The following PKIG variants were observed in gnomAD, a reference collection of about 807,000 sequenced individuals.
PKIG encodes the protein protein kinase (cAMP-dependent, catalytic) inhibitor gamma.
PKIG carries 1 observed loss-of-function variant against 6.8 expected under a neutral mutation model. That is an observed-to-expected ratio of 0.15 (90% CI 0.05 to 0.69). The LOEUF is 0.69. Among genes scored for constraint, PKIG ranks in the 30% least tolerant of loss-of-function variants. The pLI, the probability that PKIG is intolerant of heterozygous loss-of-function variation, is 0.82. For synonymous variants in PKIG, 39 were observed against 43.0 expected (o/e 0.91, Z 0.36); for missense variants, 77 against 104.0 (o/e 0.74, Z 1.13).
intron 2 of PKIG, among the ~76,000 whole-genome samples, chr20:44,608,443 C>T (rs1352346731): frequency 6.6e-6 from 1 of 152,122 alleles, no homozygotes; most frequent in Non-Finnish European, 1.5e-5. Flanking sequence ...CTCCATTGTC[C>T]GTTTAGGACA....
intron 1 of PKIG, among the ~76,000 whole-genome samples, chr20:44,560,065 CAAAA>C (rs113467337): frequency 3.2e-5 from 4 of 123,144 alleles, no homozygotes; most frequent in Admixed American, 8.2e-5. Flanking sequence ...GAAAAAAATA[CAAAA>C]AAAAAAAGAA....
chr20:44,594,335 A>C (rs950209910), intron 2 of PKIG, among the ~76,000 whole-genome samples: 1 of 152,208 alleles, frequency 6.6e-6, no homozygotes, highest in African/African-American at 2.4e-5. Context: ...CGTTTCACAG[A>C]TGAAGAACCT....
chr20:44,617,329 C>T (rs1397908542), intron 3 of PKIG, among the ~76,000 whole-genome samples: 1 of 152,136 alleles, frequency 6.6e-6, no homozygotes, highest in Admixed American at 6.5e-5. Context: ...GAATGTACCA[C>T]CTATTGAGCT....
intron 1 of PKIG, among the ~76,000 whole-genome samples, chr20:44,538,227 T>A (rs1427241341): frequency 6.6e-6 from 1 of 152,168 alleles, no homozygotes; most frequent in African/African-American, 2.4e-5. Flanking sequence ...CATTTGTAAA[T>A]AGCTCTGCAG....
upstream of PKIG, among the ~76,000 whole-genome samples, chr20:44,580,293 G>T (rs772441458): frequency 6.6e-6 from 1 of 152,056 alleles, no homozygotes; most frequent in African/African-American, 2.4e-5. Flanking sequence ...AGCTGTGAAC[G>T]GCTGCTCTCT....
intron 2 of PKIG, among the ~76,000 whole-genome samples, chr20:44,602,761 A>T (rs1298883149): frequency 6.6e-6 from 1 of 152,008 alleles, no homozygotes; most frequent in Non-Finnish European, 1.5e-5. Context: ...AAAGCACTTG[A>T]ACCGGGGAGG....
intron 2 of PKIG, among the ~76,000 whole-genome samples, chr20:44,596,962 C>T (rs910817011): frequency 1.3e-5 from 2 of 152,216 alleles, no homozygotes; most frequent in Non-Finnish European, 2.9e-5. Context: ...CACTGCTCCC[C>T]AGCCCCATGG....
chr20:44,576,361 T>G (rs1288281444), intron 1 of PKIG, among the ~76,000 whole-genome samples: 1 of 151,964 alleles, frequency 6.6e-6, no homozygotes, highest in Non-Finnish European at 1.5e-5. Context: ...ATGTTAAGGG[T>G]TATAAGAAGA....
At chr20:44,569,961 C>A (rs192305220) in intron 1 of PKIG, among the ~76,000 whole-genome samples, 33 of 152,262 alleles carry the variant, frequency 2.2e-4, no homozygotes, top group African/African-American at 7.5e-4. Flanking sequence ...GACCCTGTCT[C>A]CACAGGAAAT....
upstream of PKIG, among the ~76,000 whole-genome samples, chr20:44,579,256 A>T (rs2064926698): frequency 1.3e-5 from 2 of 152,262 alleles, no homozygotes; most frequent in South Asian, 2.1e-4. Flanking sequence ...AACAGAGCAT[A>T]CTAAGGAAAT....
At chr20:44,577,038 T>C (rs777709290) in intron 1 of PKIG, among the ~76,000 whole-genome samples, 1 of 152,130 alleles carries the variant, frequency 6.6e-6, no homozygotes, top group Admixed American at 6.5e-5. Flanking sequence ...GTCTTAGTCA[T>C]CTTTTGTGGG....
chr20:44,547,332 A>G (rs759360007), intron 1 of PKIG, among the ~76,000 whole-genome samples: 2 of 152,254 alleles, frequency 1.3e-5, no homozygotes. Context: ...TCCATTATCT[A>G]TAATCAAGCT....
rs150072043 is a variant in PKIG, at chr20:44,593,116, C to T, written c.-24+3250C>T. On this transcript the variant is annotated intron_variant, in intron 2 of 3. Coordinates refer to ENST00000372886, the MANE Select transcript of PKIG (RefSeq NM_001281445.2). ...ACTTTGGGAGGCTGAGGCGGGAGTTCGAGACCAACCTGGGCAACATAGCGA... is the reference window on the plus strand; with the variant it reads ...ACTTTGGGAGGCTGAGGCGGGAGTTTGAGACCAACCTGGGCAACATAGCGA... 6.0e-3 allele frequency among the ~76,000 whole-genome samples: 909 copies of T among 151,092 alleles called. 6 individuals are homozygous for T. Among genetic ancestry groups the T allele is most frequent in the African/African-American group, 0.019 (789 of 41,042 alleles).
chr20:44,612,734 A>G (rs2065230510), intron 2 of PKIG, among the ~76,000 whole-genome samples: 1 of 152,170 alleles, frequency 6.6e-6, no homozygotes, highest in Non-Finnish European at 1.5e-5. Context: ...TTGGGAAGGC[A>G]ACTGGGAAAT....
chr20:44,612,529 A>G (rs1004049625), intron 2 of PKIG, among the ~76,000 whole-genome samples: 5 of 152,198 alleles, frequency 3.3e-5, no homozygotes, highest in Admixed American at 6.5e-5. Context: ...TCAGAAAACC[A>G]TAGGTGCTCA....
In PKIG at chr20:44,618,677, A is replaced by G. The variant is rs971173100; in HGVS notation, c.*313A>G. 1.1e-5 allele frequency: 3 copies of G among 285,674 alleles called. No individual in the cohort carries two copies. Among genetic ancestry groups the G allele is most frequent in the South Asian group, 4.2e-5 (1 of 24,050 alleles). 17.7% of individuals were successfully genotyped at this position (285,674 alleles called of 1,614,324 possible). On this transcript the variant is annotated 3_prime_UTR_variant, in exon 4 of 4. Transcript: ENST00000372886. ...GCCTGCCCTACAGTGAGCAGCCCACACAGGAACGCTCCTCTCGCGAGCGGC... is the reference window on the plus strand; with the variant it reads ...GCCTGCCCTACAGTGAGCAGCCCACGCAGGAACGCTCCTCTCGCGAGCGGC...
At chr20:44,539,671 G>A (rs1214886134) in intron 1 of PKIG, among the ~76,000 whole-genome samples, 3 of 151,090 alleles carry the variant, frequency 2.0e-5, no homozygotes, top group East Asian at 2.0e-4. Flanking sequence ...CACCTGCCTC[G>A]GCCTCCCAAA....
rs56321294 is a variant in PKIG at position 44,609,035 on chromosome 20, T to G, written c.-23-5499T>G. On this transcript the variant is annotated intron_variant, in intron 2 of 3. Transcript: ENST00000372886. Reference sequence around the variant, plus strand: ...CATTTTCTGACAGGATTTCCAACTCTGAGGATTCTTTATTTCCCCATTTGC... The same window carrying G: ...CATTTTCTGACAGGATTTCCAACTCGGAGGATTCTTTATTTCCCCATTTGC... 6.2e-3 allele frequency among the ~76,000 whole-genome samples: 945 copies of G among 152,310 alleles called. 14 individuals carry two copies. Among genetic ancestry groups the G allele is most frequent in the African/African-American group, 0.022 (897 of 41,558 alleles).
At chr20:44,589,363 C>A (rs933283809) in intron 1 of PKIG, among the ~76,000 whole-genome samples, 2 of 151,926 alleles carry the variant, frequency 1.3e-5, no homozygotes, top group African/African-American at 4.8e-5. Flanking sequence ...ATGTAAAGTT[C>A]TTTTTTTAAT....
Sources: gnomAD v4.1 joint callset for allele counts (sites outside exome capture counted in the v4.1 genomes callset) on GRCh38, gnomAD v4.1.1 for gene constraint, MANE v1.5 for transcripts, NCBI Gene and HGNC (gene_info 2026-07-23, HGNC 2026-07-21) for gene names.